The following EIF4A2 variants were observed in gnomAD, a reference collection of about 807,000 sequenced individuals.
The protein encoded by EIF4A2 is eukaryotic initiation factor 4A-II.
EIF4A2 carries 9 observed loss-of-function variants against 50.6 expected under a neutral mutation model. That is an observed-to-expected ratio of 0.18 (90% confidence interval 0.11 to 0.31). EIF4A2 has a LOEUF of 0.31. Ranked by LOEUF, EIF4A2 falls within the 10% of genes least tolerant of loss-of-function variation. The probability of loss-of-function intolerance (pLI) is 1.00; values close to 1 mark genes in which losing one functional copy is unlikely to be tolerated. For synonymous variants in EIF4A2, 215 were observed against 164.4 expected (o/e 1.31, Z -2.35); for missense variants, 182 against 501.8 (o/e 0.36, Z 6.09).
chr3:186,789,417 G>A lies in EIF4A2; in HGVS notation c.*148G>A, dbSNP rs758146089. The A allele has an allele frequency of 8.9e-5, 105 of 1,174,590 alleles. No individual in the cohort carries two copies. Among genetic ancestry groups the A allele is most frequent in the Middle Eastern group, 6.1e-4 (2 of 3,280 alleles). The allele number at this position is 1,174,590 out of a possible 1,614,324, so 72.8% of individuals were successfully genotyped here. Reference sequence around the variant, plus strand: ...ATACAGATTTTGATAGCAAAGCGACGTTAGTCGTGAGCTCTTGTGAGGAAA... The same window carrying A: ...ATACAGATTTTGATAGCAAAGCGACATTAGTCGTGAGCTCTTGTGAGGAAA... On this transcript the variant is annotated 3_prime_UTR_variant, in exon 11 of 11. Coordinates refer to ENST00000323963, the MANE Select transcript of EIF4A2 (RefSeq NM_001967.4).
At chr3:186,788,208 C>A in intron 10 of EIF4A2, 1 of 1,018,412 alleles carries the variant, frequency 9.8e-7, no homozygotes, top group Non-Finnish European at 1.3e-6. Context: ...CGCCTGGTAG[C>A]AATTTGAGTG....
intron 7 of EIF4A2, 91 bp from the exon 8 acceptor site, chr3:186,787,036 G>C: frequency 6.7e-7 from 1 of 1,503,144 alleles, no homozygotes; most frequent in Non-Finnish European, 9.0e-7. Context: ...GGGATTACAG[G>C]CATTAGCACT....
At chr3:186,783,699 G>A (rs1372548832) in intron 1 of EIF4A2, 60 bp downstream of exon 1, 2 of 1,613,176 alleles carry the variant, frequency 1.2e-6, no homozygotes, top group Non-Finnish European at 1.7e-6. Flanking sequence ...CAGGGGAGAT[G>A]ATAGTGGATG....
intron 4 of EIF4A2, chr3:186,785,472 C>T: frequency 3.2e-6 from 1 of 308,050 alleles, no homozygotes; most frequent in Non-Finnish European, 6.1e-6. Flanking sequence ...GCTATATTGG[C>T]TTTGAAGTAA....
intron 10 of EIF4A2, chr3:186,788,286 A>G (rs1437877199): frequency 2.3e-6 from 3 of 1,292,870 alleles, no homozygotes; most frequent in Non-Finnish European, 3.0e-6. Flanking sequence ...TATGATGTAA[A>G]AAAAGACTTT....
In EIF4A2 at chr3:186,786,149, C is replaced by G. The variant is rs1560084809; in HGVS notation, c.518-15C>G. 1 of 1,611,466 alleles carries G rather than the reference C, an allele frequency of 6.2e-7. No homozygotes were observed. Among genetic ancestry groups the G allele is most frequent in the Non-Finnish European group, 8.5e-7 (1 of 1,178,106 alleles). On this transcript the variant is annotated splice_polypyrimidine_tract_variant and intron_variant, in intron 5 of 10. Transcript: ENST00000323963. ...AGTAGATCTAGAAATGACAGTATGA[C>G]TTTGTTTCTAACAGCTCCAAAATGG...
At position 186,783,615 on chromosome 3, in the gene EIF4A2, C is replaced by A; in HGVS notation, c.5C>A (p.Ser2Tyr). The change falls in exon 1 of 11, where the codon TCT becomes TAT. Residue 2 changes from serine to tyrosine, a missense_variant. Around this residue, in one of 7 missense-constraint regions of EIF4A2, gnomAD observed 43 missense variants for 22.2 expected, o/e 1.93. Coordinates refer to ENST00000323963, the MANE Select transcript of EIF4A2 (RefSeq NM_001967.4). The stretch of plus-strand genomic sequence containing the variant: ...CGCTGAGTGGTTTTTCGGATCATGT[C>A]TGGTGGCTCCGCGGATTATAACAGG... M[S>Y]GGSADYNREH... 1 of 1,614,136 alleles carries A rather than the reference C, an allele frequency of 6.2e-7. No homozygotes were observed. The highest frequency in any genetic ancestry group is 8.5e-7 in the Non-Finnish European group (1 of 1,180,036).
chr3:186,786,117 A>G (rs368951955), intron 5 of EIF4A2, 47 bp from the exon 6 acceptor site: 960 of 1,602,470 alleles, frequency 6.0e-4, no homozygotes, highest in Non-Finnish European at 7.9e-4. Flanking sequence ...GTCAAATTGT[A>G]TCACTGAGTA....
At position 186,789,732 on chromosome 3, in the gene EIF4A2, T is replaced by C; in HGVS notation, c.*463T>C. On this transcript the variant is annotated 3_prime_UTR_variant, in exon 11 of 11. Transcript: ENST00000323963. ...GCATTTGAATGCATTTTGTTTGGTA[T>C]TGTATTTATTCAATAAAGTATTTAA... 2.3e-6 allele frequency: 1 copy of C among 441,796 alleles called. No individual in the cohort carries two copies. The highest frequency in any genetic ancestry group is 4.0e-6 in the Non-Finnish European group (1 of 248,580). 27.4% of individuals were successfully genotyped at this position (441,796 alleles called of 1,614,324 possible). A position where few individuals can be genotyped will look rare whatever the true frequency, so the allele number is the denominator to read the frequency against.
At chr3:186,786,823 T>C (rs754581898) in intron 7 of EIF4A2, 178 bp downstream of exon 7, 3 of 943,752 alleles carry the variant, frequency 3.2e-6, no homozygotes, top group East Asian at 4.8e-5. Context: ...ATGTCCAATG[T>C]CCTTTGTCTT....
intron 4 of EIF4A2, chr3:186,785,458 C>T: frequency 3.0e-6 from 1 of 329,624 alleles, no homozygotes. Flanking sequence ...TTTCAAAGCT[C>T]ACTGCTATAT....
At position 186,789,279 on chromosome 3, in the gene EIF4A2, TGA is replaced by T. The variant is rs770116011; in HGVS notation, c.*14_*15del. 34 of 1,602,078 alleles carry T rather than the reference TGA, an allele frequency of 2.1e-5. No individual in the cohort carries two copies. Among genetic ancestry groups the T allele is most frequent in the South Asian group, 7.8e-5 (7 of 89,866 alleles). On this transcript the variant is annotated 3_prime_UTR_variant, in exon 11 of 11. Coordinates refer to ENST00000323963, the MANE Select transcript of EIF4A2 (RefSeq NM_001967.4). ...GGCTGACCTTATTTAATTCCTGGGA[TGA>T]GAGTTTTGGATGCAGTGCTCGCTGT...
At position 186,786,571 on chromosome 3, in the gene EIF4A2, A is replaced by G. The variant is rs755032307; in HGVS notation, c.697A>G (p.Ile233Val). Residue 233 changes from isoleucine (I) to valine (V), a missense_variant, in exon 7 of 11, where the codon ATT (isoleucine) becomes GTT (valine). By Grantham distance (29) the Ile-to-Val change is conservative. This residue lies in a region of EIF4A2 where 113 missense variants were observed against 357.3 expected (regional missense o/e 0.32). Coordinates refer to ENST00000323963, the MANE Select transcript of EIF4A2 (RefSeq NM_001967.4). ...EVTKKFMRDP[I>V]RILVKKEELT... ...GACCAAAAAATTCATGAGAGATCCA[A>G]TTCGAATTCTGGTGAAAAAGGAAGA... The G allele has an allele frequency of 3.7e-6, 6 of 1,613,768 alleles. No individual in the cohort carries two copies. Among genetic ancestry groups the G allele is most frequent in the East Asian group, 2.2e-5 (1 of 44,876 alleles).
Position 186,785,105 on chromosome 3 carries a change from T to C in EIF4A2, c.348+4T>C, listed in dbSNP as rs1020882553. On this transcript the variant is annotated splice_donor_region_variant and intron_variant, in intron 4 of 10. Transcript: ENST00000323963. ...CACCAGAGAACTGGCTCAACAGGTA[T>C]TGATAGTGTAGTTCAAAAAAACTGC... is the stretch of plus-strand genomic sequence containing the variant. The C allele has an allele frequency of 5.0e-6, 8 of 1,613,578 alleles. No homozygotes were observed. Among genetic ancestry groups the C allele is most frequent in the Non-Finnish European group, 5.9e-6 (7 of 1,179,874 alleles).
Position 186,784,534 on chromosome 3 carries a change from T to C in EIF4A2, c.76-30T>C, listed in dbSNP as rs752121419. The C allele has an allele frequency of 2.5e-6, 4 of 1,614,100 alleles. No individual in the cohort carries two copies. The African/African-American group carries it at 5.3e-5, about 22-fold the overall frequency. On this transcript the variant is annotated intron_variant, in intron 2 of 10. Coordinates refer to ENST00000323963, the MANE Select transcript of EIF4A2 (RefSeq NM_001967.4). ...GAAAGGTGAGTGTGTTCATCTCATT[T>C]ATGCGTGCATTATTTTTTCTAACTT...
chr3:186,787,282 ATGTC>A lies in EIF4A2; in HGVS notation c.909+21_909+24del. ...CTGCTCTGGTAAGAGGTGTTCTAAA[ATGTC>A]TGGATTTCCACTAAAGCAGGATTCA... On this transcript the variant is annotated intron_variant, in intron 8 of 10. Coordinates refer to ENST00000323963, the MANE Select transcript of EIF4A2 (RefSeq NM_001967.4). 6.2e-7 allele frequency: 1 copy of A among 1,614,034 alleles called. No homozygotes were observed. The highest frequency in any genetic ancestry group is 8.5e-7 in the Non-Finnish European group (1 of 1,179,936).
At chr3:186,783,967 C>T (rs961417391) in intron 1 of EIF4A2, 2 of 441,190 alleles carry the variant, frequency 4.5e-6, no homozygotes, top group African/African-American at 4.0e-5. Flanking sequence ...TAACCAGGAC[C>T]CGAAGCTTTA....
At chr3:186,789,009 GCAC>G in intron 10 of EIF4A2, 113 bp from the exon 11 acceptor site, 1 of 1,419,282 alleles carries the variant, frequency 7.0e-7, no homozygotes, top group Non-Finnish European at 9.4e-7. Context: ...CCAGTTAGAA[GCAC>G]GAACTATAAC....
chr3:186,783,638 A>G lies in EIF4A2; in HGVS notation c.28A>G (p.Arg10Gly), dbSNP rs1317806581. MSGGSADYN[R>G]EHGGPEGMDP... ...GTCTGGTGGCTCCGCGGATTATAACAGGTATGCAGTCTGTTGGCGGTCGCG... is the reference window on the plus strand; with the variant it reads ...GTCTGGTGGCTCCGCGGATTATAACGGGTATGCAGTCTGTTGGCGGTCGCG... The change falls in exon 1 of 11, where the codon AGA becomes GGA. Residue 10 changes from arginine to glycine, a missense_variant and splice_region_variant. Physicochemically the swap from Arg to Gly is moderately radical, Grantham distance 125. This residue lies in a region of EIF4A2 where 43 missense variants were observed against 22.2 expected (regional missense o/e 1.93). Coordinates refer to ENST00000323963, the MANE Select transcript of EIF4A2 (RefSeq NM_001967.4). 8 of 1,614,014 alleles carry G rather than the reference A, an allele frequency of 5.0e-6. No individual in the cohort carries two copies. Among genetic ancestry groups the G allele is most frequent in the Non-Finnish European group, 5.1e-6 (6 of 1,180,036 alleles).
Sources: gnomAD v4.1 joint callset for allele counts on GRCh38, gnomAD v4.1.1 for gene constraint, gnomAD v4.1.1 regional missense constraint, MANE v1.5 for transcripts, NCBI Gene and HGNC (gene_info 2026-07-23, HGNC 2026-07-21) for gene names.